Variants in CRY1 observed in about 807,000 individuals in gnomAD.
CRY1 encodes cryptochrome-1.
Under a neutral mutation model 76.0 loss-of-function variants are expected in CRY1, and 45 were observed. That is an observed-to-expected ratio of 0.59 (90% CI 0.47 to 0.76). The LOEUF (loss-of-function observed/expected upper bound fraction) is 0.76, where lower values mean the gene tolerates loss of function less well. CRY1 is among the 30% of genes least tolerant of loss of function. CRY1 has a pLI of 0.00. For missense variants in CRY1, 587 were observed against 716.4 expected (o/e 0.82, Z 2.06); for synonymous variants, 248 against 244.0 (o/e 1.02, Z -0.15).
chr12:107,091,457 T>C (rs1277806978), intron 1 of CRY1, among the ~76,000 whole-genome samples: 1 of 152,210 alleles, frequency 6.6e-6, no homozygotes, highest in East Asian at 1.9e-4. Flanking sequence ...ATTCAAGCCG[T>C]TATCATCTCT....
intron 1 of CRY1, among the ~76,000 whole-genome samples, chr12:107,085,826 TA>T (rs1306231158): frequency 6.7e-6 from 1 of 149,730 alleles, no homozygotes; most frequent in African/African-American, 2.5e-5. Context: ...CTTAAAGTAT[TA>T]AAAAAAAAGC....
chr12:107,059,303 G>A (rs1192204671), intron 1 of CRY1, among the ~76,000 whole-genome samples: 1 of 152,126 alleles, frequency 6.6e-6, no homozygotes, highest in Non-Finnish European at 1.5e-5. Flanking sequence ...CCAGGCTGGA[G>A]TGCAGTAGCA....
chr12:107,023,749 C>T (rs1952581183), intron 1 of CRY1, among the ~76,000 whole-genome samples: 1 of 152,188 alleles, frequency 6.6e-6, no homozygotes, highest in African/African-American at 2.4e-5. Flanking sequence ...TCTATCCCCA[C>T]ATTTATATTT....
intron 1 of CRY1, among the ~76,000 whole-genome samples, chr12:107,024,953 CA>C (rs1952591509): frequency 6.6e-6 from 1 of 151,860 alleles, no homozygotes; most frequent in South Asian, 2.1e-4. Flanking sequence ...AGAAAAGATC[CA>C]AAAAGAAAAG....
chr12:107,005,085 A>G, intron 3 of CRY1, 21 bp downstream of exon 3: 1 of 176,234 alleles, frequency 5.7e-6, no homozygotes. Flanking sequence ...TTCCCACAGT[A>G]AAAAAAAAAA....
chr12:107,036,215 T>A (rs569646730), intron 1 of CRY1, among the ~76,000 whole-genome samples: 2 of 152,304 alleles, frequency 1.3e-5, no homozygotes, highest in African/African-American at 4.8e-5. Context: ...CAAAGAGAGC[T>A]GAGAATTGAA....
At chr12:107,024,697 A>G (rs1313733601) in intron 1 of CRY1, among the ~76,000 whole-genome samples, 1 of 152,210 alleles carries the variant, frequency 6.6e-6, no homozygotes, top group East Asian at 1.9e-4. Flanking sequence ...CATTATATGA[A>G]CCAAACAAAT....
At chr12:107,056,958 G>C (rs1251012838) in intron 1 of CRY1, among the ~76,000 whole-genome samples, 1 of 151,898 alleles carries the variant, frequency 6.6e-6, no homozygotes, top group Admixed American at 6.6e-5. Flanking sequence ...AGATAAAAGA[G>C]TTTGTCTCCA....
intron 1 of CRY1, among the ~76,000 whole-genome samples, chr12:107,063,428 T>C (rs959093719): frequency 1.3e-5 from 2 of 152,194 alleles, no homozygotes; most frequent in African/African-American, 4.8e-5. Flanking sequence ...TTCTTTTGCT[T>C]TTGTTTCCCT....
intron 1 of CRY1, among the ~76,000 whole-genome samples, chr12:107,081,908 C>T (rs1953330409): frequency 6.6e-6 from 1 of 151,952 alleles, no homozygotes; most frequent in Non-Finnish European, 1.5e-5. Context: ...TCTAATACTG[C>T]AGATGGAGCC....
At chr12:107,017,634 A>T (rs1382983483) in intron 2 of CRY1, among the ~76,000 whole-genome samples, 2 of 152,228 alleles carry the variant, frequency 1.3e-5, no homozygotes, top group Non-Finnish European at 2.9e-5. Context: ...GAAAAGTAGA[A>T]GCTGAAAGGT....
At chr12:107,006,832 A>G (rs980332986) in intron 2 of CRY1, among the ~76,000 whole-genome samples, 4 of 152,050 alleles carry the variant, frequency 2.6e-5, no homozygotes, top group Admixed American at 2.0e-4. Context: ...TTGTATTTTC[A>G]GTAGAGAAGG....
rs372515742 is a variant in CRY1 at position 106,997,360 on chromosome 12, G to C, written c.1519C>G (p.Pro507Ala). 1.9e-6 allele frequency: 3 copies of C among 1,613,750 alleles called. No individual in the cohort carries two copies. The highest frequency in any genetic ancestry group is 1.6e-4 in the Middle Eastern group (1 of 6,082). Residue 507 changes from proline (P) to alanine (A), a missense_variant, in exon 10 of 13, where the codon CCT (proline) becomes GCT (alanine). Transcript: ENST00000008527. ...CCCATGAAGCCTCCATTCCCATTAG[G>C]ATTAGAAGGTACTGATGCCAGAAGA... ...LGLLASVPSN[P>A]NGNGGFMGYS...
chr12:107,005,463 A>G (rs1036173987), intron 2 of CRY1, among the ~76,000 whole-genome samples: 1 of 152,252 alleles, frequency 6.6e-6, no homozygotes. Flanking sequence ...CTAGGCAACA[A>G]TCTAGCAAAG....
chr12:107,087,445 T>C (rs1279475766), intron 1 of CRY1, among the ~76,000 whole-genome samples: 1 of 152,240 alleles, frequency 6.6e-6, no homozygotes, highest in Non-Finnish European at 1.5e-5. Flanking sequence ...CTTGGACCAG[T>C]GTGCTCAGTT....
intron 1 of CRY1, among the ~76,000 whole-genome samples, chr12:107,088,066 A>G (rs1186443269): frequency 1.3e-5 from 2 of 152,124 alleles, no homozygotes; most frequent in Non-Finnish European, 2.9e-5. Context: ...TAATAAATAA[A>G]TAAGACAAGA....
intron 2 of CRY1, among the ~76,000 whole-genome samples, chr12:107,019,813 C>A (rs771486087): frequency 4.0e-5 from 6 of 151,826 alleles, no homozygotes; most frequent in Non-Finnish European, 8.8e-5. Flanking sequence ...CTTAGCTACT[C>A]GATCCTGTAG....
chr12:107,041,928 T>C (rs1483833160), intron 1 of CRY1, among the ~76,000 whole-genome samples: 1 of 152,086 alleles, frequency 6.6e-6, no homozygotes. Context: ...ATTCCGGGGC[T>C]GCGGAAAGGA....
intron 1 of CRY1, among the ~76,000 whole-genome samples, chr12:107,040,720 A>G (rs912221695): frequency 1.3e-5 from 2 of 152,166 alleles, no homozygotes; most frequent in Admixed American, 6.5e-5. Flanking sequence ...AAAAAAAAGA[A>G]GAGGGAAGAG....
Sources: gnomAD v4.1 joint callset for allele counts (sites outside exome capture counted in the v4.1 genomes callset) on GRCh38, gnomAD v4.1.1 for gene constraint, MANE v1.5 for transcripts, NCBI Gene and HGNC (gene_info 2026-07-23, HGNC 2026-07-21) for gene names.